COL26A1: variants seen among roughly 807,000 people sequenced by gnomAD.
The protein encoded by COL26A1 is collagen type XXVI alpha 1 chain.
In COL26A1, 41 loss-of-function variants were observed where a neutral mutation model predicts 59.3. The ratio of observed to expected loss-of-function variants is 0.69; its 90% confidence interval spans 0.54 to 0.90. The LOEUF (loss-of-function observed/expected upper bound fraction) is 0.90. Ranked by LOEUF, COL26A1 falls within the 40% of genes least tolerant of loss-of-function variation. The pLI is 0.00. For synonymous variants in COL26A1, 266 were observed against 256.0 expected (o/e 1.04, Z -0.37); for missense variants, 612 against 602.3 (o/e 1.02, Z -0.17).
At chr7:101,384,847 A>G (rs1791529973) in intron 1 of COL26A1, among the ~76,000 whole-genome samples, 1 of 152,140 alleles carries the variant, frequency 6.6e-6, no homozygotes, top group African/African-American at 2.4e-5. Context: ...CAAAACCTCC[A>G]AAGTAAGGAA....
At chr7:101,485,807 G>A (rs546322784) in intron 3 of COL26A1, among the ~76,000 whole-genome samples, 4 of 152,260 alleles carry the variant, frequency 2.6e-5, no homozygotes, top group East Asian at 3.9e-4. Context: ...AGGCCCAGCC[G>A]CGGCAGCCAT....
Position 101,525,703 on chromosome 7 carries a change from A to G in COL26A1, c.386-7379A>G, listed in dbSNP as rs202202305. 2.8e-3 allele frequency among the ~76,000 whole-genome samples: 427 copies of G among 151,808 alleles called. 2 individuals are homozygous for G. Among genetic ancestry groups the G allele is most frequent in the African/African-American group, 8.0e-3 (333 of 41,402 alleles). On this transcript the variant is annotated intron_variant, in intron 3 of 12. Coordinates refer to ENST00000313669, the MANE Select transcript of COL26A1 (RefSeq NM_001278563.3). ...AGTAGAGACGGGGTTTCACTGTGTT[A>G]GCCAGGATGGTCTCGATCTCCTGAC...
At chr7:101,524,330 C>A (rs925420591) in intron 3 of COL26A1, among the ~76,000 whole-genome samples, 1 of 151,970 alleles carries the variant, frequency 6.6e-6, no homozygotes, top group Non-Finnish European at 1.5e-5. Context: ...CTGTACTCCC[C>A]CTACTGCTAA....
At chr7:101,389,033 G>A (rs10250535) in intron 1 of COL26A1, 14 of 268,758 alleles carry the variant, frequency 5.2e-5, no homozygotes, top group Non-Finnish European at 9.4e-5. Flanking sequence ...TGAGGTGACC[G>A]TTTTTCACCT....
At chr7:101,494,128 G>T (rs1309739887) in intron 3 of COL26A1, among the ~76,000 whole-genome samples, 2 of 117,474 alleles carry the variant, frequency 1.7e-5, no homozygotes, top group Non-Finnish European at 3.7e-5. Flanking sequence ...TTGCATTGTC[G>T]TTTTGTTTTG....
In COL26A1 at chr7:101,447,723, C is replaced by T. The variant is rs1203986430; in HGVS notation, c.321C>T (p.Tyr107=). Residue 107 remains tyrosine, a synonymous_variant, in exon 3 of 13, where the codon TAC becomes TAT. Transcript: ENST00000313669. The stretch of plus-strand genomic sequence containing the variant: ...TCAGACCCACCTACAGAGTGTCCTA[C>T]CGCACGGTGACGGTGCTGGAGTGGA... The part of the protein sequence containing the change: ...TLIRPTYRVS[Y]RTVTVLEWRC... 1 of 1,606,306 alleles carries T rather than the reference C, an allele frequency of 6.2e-7. No individual in the cohort carries two copies. The highest frequency in any genetic ancestry group is 1.3e-5 in the African/African-American group (1 of 74,832).
In COL26A1 at chr7:101,473,653, C is replaced by T. The variant is rs567493205; in HGVS notation, c.385+25866C>T. Among the ~76,000 whole-genome samples the T allele has an allele frequency of 3.8e-5, 4 of 105,870 alleles. No individual in the cohort carries two copies. The East Asian group carries it at 9.8e-4, about 26-fold the overall frequency. The allele number at this position is 105,870 out of a possible 152,430, so 69.5% of individuals were successfully genotyped here. A position where few individuals can be genotyped will look rare whatever the true frequency, so the allele number is the denominator to read the frequency against. On this transcript the variant is annotated intron_variant, in intron 3 of 12. Coordinates refer to ENST00000313669, the MANE Select transcript of COL26A1 (RefSeq NM_001278563.3). ...ACACACACACACACACACACACACA[C>T]AAACACACACAACAAAAAACAAAAA...
intron 3 of COL26A1, among the ~76,000 whole-genome samples, chr7:101,490,544 T>C (rs1447263164): frequency 2.7e-5 from 4 of 147,164 alleles, no homozygotes; most frequent in Admixed American, 1.4e-4. Flanking sequence ...CTACTAAAAC[T>C]ACAAAAATTA....
chr7:101,504,289 C>CGG (rs1371895406), intron 3 of COL26A1, among the ~76,000 whole-genome samples: 1 of 152,060 alleles, frequency 6.6e-6, no homozygotes, highest in Admixed American at 6.6e-5. Flanking sequence ...TTAGTAGAGA[C>CGG]GGGGTTTCAC....
intron 2 of COL26A1, among the ~76,000 whole-genome samples, chr7:101,438,911 A>G (rs2130348749): frequency 7.0e-6 from 1 of 143,760 alleles, no homozygotes. Flanking sequence ...CTCGAACTCC[A>G]AGACGATCCA....
intron 3 of COL26A1, among the ~76,000 whole-genome samples, chr7:101,510,027 C>CTTTTT (rs3073374): frequency 0.1 from 12,161 of 122,092 alleles, 912 homozygotes; most frequent in African/African-American, 0.11. Flanking sequence ...CGCGCCCAGT[C>CTTTTT]TTTTTTTTTT....
At chr7:101,370,053 G>A (rs1266918201) in intron 1 of COL26A1, among the ~76,000 whole-genome samples, 3 of 151,880 alleles carry the variant, frequency 2.0e-5, no homozygotes, top group Admixed American at 2.0e-4. Flanking sequence ...GTAGAGATGG[G>A]TTTCTCCATG....
At chr7:101,450,096 C>T (rs1286296298) in intron 3 of COL26A1, among the ~76,000 whole-genome samples, 1 of 147,770 alleles carries the variant, frequency 6.8e-6, no homozygotes, top group East Asian at 1.9e-4. Context: ...TGTACTCCAG[C>T]CTGGATGACA....
chr7:101,381,867 C>T (rs221), intron 1 of COL26A1, among the ~76,000 whole-genome samples: 57,185 of 151,744 alleles, frequency 0.38, 13,297 homozygotes, highest in Middle Eastern at 0.53. Context: ...AACACACAAA[C>T]GGAGATGAAA....
In COL26A1 at chr7:101,447,734, C is replaced by T. The variant is rs759733265; in HGVS notation, c.332C>T (p.Thr111Met). 1.2e-5 allele frequency: 19 copies of T among 1,607,016 alleles called. No individual in the cohort carries two copies. Among genetic ancestry groups the T allele is most frequent in the African/African-American group, 2.7e-5 (2 of 74,828 alleles). ...PTYRVSYRTVTVLEWRCCPGF... is the reference protein window; with the variant it reads ...PTYRVSYRTVMVLEWRCCPGF... ...TACAGAGTGTCCTACCGCACGGTGACGGTGCTGGAGTGGAGATGCTGCCCT... is the reference window on the plus strand; with the variant it reads ...TACAGAGTGTCCTACCGCACGGTGATGGTGCTGGAGTGGAGATGCTGCCCT... The change falls in exon 3 of 13, where the codon ACG becomes ATG. Residue 111 changes from threonine to methionine, a missense_variant. Transcript: ENST00000313669.
intron 1 of COL26A1, among the ~76,000 whole-genome samples, chr7:101,364,014 T>A (rs1018573957): frequency 6.6e-6 from 1 of 151,994 alleles, no homozygotes; most frequent in Non-Finnish European, 1.5e-5. Flanking sequence ...TGGAACCGGC[T>A]GGGATCGGGT....
At chr7:101,411,624 G>A (rs144991877) in intron 1 of COL26A1, among the ~76,000 whole-genome samples, 2 of 152,226 alleles carry the variant, frequency 1.3e-5, no homozygotes, top group Non-Finnish European at 2.9e-5. Flanking sequence ...GGAGCAAGTC[G>A]GGGTTGAATA....
intron 3 of COL26A1, among the ~76,000 whole-genome samples, chr7:101,494,740 C>T (rs1310574750): frequency 6.6e-6 from 1 of 152,248 alleles, no homozygotes; most frequent in Non-Finnish European, 1.5e-5. Flanking sequence ...GCCCAGCCCG[C>T]TCCTCCTCCA....
At chr7:101,500,407 T>A (rs569629365) in intron 3 of COL26A1, among the ~76,000 whole-genome samples, 1 of 152,358 alleles carries the variant, frequency 6.6e-6, no homozygotes, top group Admixed American at 6.5e-5. Flanking sequence ...TATGGTTTTT[T>A]CAACATCCAG....
Sources: allele counts gnomAD v4.1 joint callset (sites outside exome capture counted in the v4.1 genomes callset), GRCh38; gene constraint gnomAD v4.1.1; transcripts MANE v1.5; gene names NCBI Gene and HGNC (gene_info 2026-07-23, HGNC 2026-07-21).